Variants in SYN2 observed in about 807,000 individuals in gnomAD.
SYN2 encodes synapsin-2.
Under a neutral mutation model 50.9 loss-of-function variants are expected in SYN2, and 19 were observed. The ratio of observed to expected loss-of-function variants is 0.37; its 90% CI spans 0.26 to 0.55. The LOEUF (loss-of-function observed/expected upper bound fraction) is 0.55. Ranked by LOEUF, SYN2 falls within the 20% of genes least tolerant of loss-of-function variation. SYN2 has a pLI of 0.81. For synonymous variants in SYN2, 255 were observed against 224.9 expected (o/e 1.13, Z -1.20); for missense variants, 587 against 576.4 (o/e 1.02, Z -0.19).
At chr3:12,139,431 G>GT (rs1397755457) in intron 1 of SYN2, among the ~76,000 whole-genome samples, 1 of 152,192 alleles carries the variant, frequency 6.6e-6, no homozygotes, top group African/African-American at 2.4e-5. Context: ...GGGGGAGACA[G>GT]TGCCTGCAGT....
In SYN2 at chr3:12,167,317, A is replaced by C. The variant is rs901344770; in HGVS notation, c.1055+9A>C. On this transcript the variant is annotated intron_variant, in intron 8 of 12. Coordinates refer to ENST00000621198, the MANE Select transcript of SYN2 (RefSeq NM_133625.6). ...ATTGCCATGTCAGACAGGTGAGTTG[A>C]GAGAAGGAGTCCAGTTTCCAGCCCA... 1.2e-6 allele frequency: 2 copies of C among 1,609,666 alleles called. No individual in the cohort carries two copies. Among genetic ancestry groups the C allele is most frequent in the African/African-American group, 2.7e-5 (2 of 74,870 alleles).
intron 12 of SYN2, among the ~76,000 whole-genome samples, chr3:12,189,757 G>A (rs1289300135): frequency 6.6e-6 from 1 of 151,894 alleles, no homozygotes; most frequent in African/African-American, 2.4e-5. Flanking sequence ...AGCAGAGATC[G>A]CACCACTGCA....
At chr3:12,168,260 G>A in intron 8 of SYN2, 116 bp from the exon 9 acceptor site, 1 of 751,936 alleles carries the variant, frequency 1.3e-6, no homozygotes, top group Non-Finnish European at 2.3e-6. Context: ...TAGATGGAGG[G>A]AGCAGTGGGA....
At chr3:12,009,016 G>T (rs1030687303) in intron 1 of SYN2, among the ~76,000 whole-genome samples, 2 of 144,782 alleles carry the variant, frequency 1.4e-5, no homozygotes, top group Non-Finnish European at 2.9e-5. Flanking sequence ...GCTTGAACCA[G>T]TGCTTGTGAG....
chr3:12,177,421 C>T (rs537440956), intron 10 of SYN2, among the ~76,000 whole-genome samples: 5 of 152,118 alleles, frequency 3.3e-5, no homozygotes, highest in Admixed American at 1.3e-4. Flanking sequence ...ATTAGCCACC[C>T]GTGTTCTAAA....
intron 5 of SYN2, chr3:12,158,543 T>C (rs1306431347): frequency 2.2e-5 from 24 of 1,075,012 alleles, no homozygotes; most frequent in Non-Finnish European, 3.2e-5. Context: ...GCAAGGTTGC[T>C]ATGGCGCCTG....
At chr3:12,075,755 T>C (rs1695455306) in intron 1 of SYN2, among the ~76,000 whole-genome samples, 1 of 152,192 alleles carries the variant, frequency 6.6e-6, no homozygotes, top group Non-Finnish European at 1.5e-5. Flanking sequence ...ATTTCTGAAA[T>C]TGCATTAGGA....
At chr3:12,116,244 T>A (rs1280746002) in intron 1 of SYN2, among the ~76,000 whole-genome samples, 1 of 152,200 alleles carries the variant, frequency 6.6e-6, no homozygotes, top group Non-Finnish European at 1.5e-5. Flanking sequence ...ATTTCTGGAC[T>A]TGAAACTAGG....
At chr3:12,053,532 CT>C (rs1694918321) in intron 1 of SYN2, among the ~76,000 whole-genome samples, 1 of 152,038 alleles carries the variant, frequency 6.6e-6, no homozygotes. Flanking sequence ...CACAGCCCCC[CT>C]CTACACTCCA....
intron 1 of SYN2, among the ~76,000 whole-genome samples, chr3:12,033,248 C>G (rs1166985182): frequency 6.6e-6 from 1 of 152,164 alleles, no homozygotes; most frequent in African/African-American, 2.4e-5. Flanking sequence ...TCTCAGATCT[C>G]CAGCTGCGTG....
chr3:12,101,014 C>T (rs1696061759), intron 1 of SYN2, among the ~76,000 whole-genome samples: 1 of 152,078 alleles, frequency 6.6e-6, no homozygotes. Context: ...AATGGGAATC[C>T]TCATACACCA....
intron 1 of SYN2, among the ~76,000 whole-genome samples, chr3:12,095,862 CT>C (rs1430077591): frequency 6.6e-5 from 10 of 151,976 alleles, no homozygotes; most frequent in African/African-American, 2.2e-4. Context: ...GTCTTAATGA[CT>C]TCCCAATTTT....
Position 12,181,293 on chromosome 3 carries a change from C to T in SYN2, c.1309-2019C>T, listed in dbSNP as rs115303366. ...ATTGGGACCCTTCAGTGGTACTGGG[C>T]ATGAGGCCCTGGGGGAGAGACCAGC... On this transcript the variant is annotated intron_variant, in intron 10 of 12. Transcript: ENST00000621198. 6.4e-3 allele frequency among the ~76,000 whole-genome samples: 968 copies of T among 152,354 alleles called. 9 individuals carry two copies. The highest frequency in any genetic ancestry group is 0.022 in the African/African-American group (900 of 41,576).
intron 1 of SYN2, among the ~76,000 whole-genome samples, chr3:12,050,860 C>T (rs1225981668): frequency 6.6e-6 from 1 of 150,852 alleles, no homozygotes; most frequent in Non-Finnish European, 1.5e-5. Context: ...CTCAGCCTCC[C>T]GAGTAGCTGG....
chr3:12,191,534 G>T lies in SYN2; in HGVS notation c.*909G>T, dbSNP rs1467976207. ...AAAATCTAGGTGTGTGAAGCTGTTT[G>T]TGTCAGTTTGTGTGTGTGACTGCAG... On this transcript the variant is annotated 3_prime_UTR_variant, in exon 13 of 13. Transcript: ENST00000621198. 6.6e-6 allele frequency: 1 copy of T among 152,406 alleles called. No individual in the cohort carries two copies. Among genetic ancestry groups the T allele is most frequent in the Non-Finnish European group, 1.5e-5 (1 of 68,228 alleles). 9.4% of individuals were successfully genotyped at this position (152,406 alleles called of 1,614,324 possible). A position where few individuals can be genotyped will look rare whatever the true frequency, so the allele number is the denominator to read the frequency against.
At chr3:12,007,771 A>T (rs1287810016) in intron 1 of SYN2, among the ~76,000 whole-genome samples, 2 of 152,222 alleles carry the variant, frequency 1.3e-5, no homozygotes, top group Admixed American at 1.3e-4. Context: ...AGCATCCTTA[A>T]TACAACAGCA....
At chr3:12,117,648 G>A (rs1559426666) in intron 1 of SYN2, among the ~76,000 whole-genome samples, 2 of 152,164 alleles carry the variant, frequency 1.3e-5, no homozygotes, top group Non-Finnish European at 2.9e-5. Flanking sequence ...TGGTATGAGT[G>A]GGAAGTGCCA....
intron 1 of SYN2, among the ~76,000 whole-genome samples, chr3:12,011,431 G>A (rs750969821): frequency 4.6e-5 from 7 of 152,298 alleles, no homozygotes; most frequent in South Asian, 2.1e-4. Flanking sequence ...GTGACCTGTG[G>A]AGAGAATAAA....
At chr3:12,142,969 C>T (rs893231032) in intron 3 of SYN2, among the ~76,000 whole-genome samples, 1 of 152,164 alleles carries the variant, frequency 6.6e-6, no homozygotes, top group African/African-American at 2.4e-5. Flanking sequence ...AAAGAGATGT[C>T]CATCCGGGTG....
Sources: allele counts gnomAD v4.1 joint callset (sites outside exome capture counted in the v4.1 genomes callset), GRCh38; gene constraint gnomAD v4.1.1; transcripts MANE v1.5; gene names NCBI Gene and HGNC (gene_info 2026-07-23, HGNC 2026-07-21).